EML5: variants seen among roughly 807,000 people sequenced by gnomAD.
The protein encoded by EML5 is echinoderm microtubule-associated protein-like 5.
Under a neutral mutation model 250.0 loss-of-function variants are expected in EML5, and 120 were observed. The observed-to-expected ratio is 0.48, with a 90% CI of 0.41 to 0.56. The LOEUF (loss-of-function observed/expected upper bound fraction) is 0.56, where lower values mean the gene tolerates loss of function less well. Ranked by LOEUF, EML5 falls within the 20% of genes least tolerant of loss-of-function variation. EML5 has a pLI of 0.00. For missense variants in EML5, 2,006 were observed against 2,437.6 expected (o/e 0.82, Z 3.73); for synonymous variants, 771 against 806.5 (o/e 0.96, Z 0.75).
Position 88,650,915 on chromosome 14 carries a change from T to C in EML5, c.4005-989A>G, listed in dbSNP as rs188104159. 2.2e-4 allele frequency among the ~76,000 whole-genome samples: 34 copies of C among 152,288 alleles called. No individual in the cohort carries two copies. The East Asian group carries it at 6.6e-3, about 29-fold the overall frequency. The stretch of plus-strand genomic sequence containing the variant: ...CTTCAGCCTCCCAAAGCACTGAGAT[T>C]GCAGGCATGAGGCACAGCACCTGGC... On this transcript the variant is annotated intron_variant, in intron 27 of 43. Transcript: ENST00000554922.
At chr14:88,624,885 G>C (rs2089687667) in intron 36 of EML5, 85 bp downstream of exon 36, 1 of 1,486,692 alleles carries the variant, frequency 6.7e-7, no homozygotes, top group Non-Finnish European at 9.1e-7. Context: ...ACTCTGTGTA[G>C]CCTAGAAACA....
At chr14:88,705,634 T>G in intron 11 of EML5, 46 bp from the exon 12 acceptor site, 1 of 1,378,438 alleles carries the variant, frequency 7.3e-7, no homozygotes, top group Non-Finnish European at 1.0e-6. Context: ...AGAAGATTCA[T>G]TTTCAAAACA....
intron 8 of EML5, among the ~76,000 whole-genome samples, chr14:88,723,617 G>A (rs1277350913): frequency 1.3e-5 from 2 of 152,240 alleles, no homozygotes; most frequent in African/African-American, 2.4e-5. Flanking sequence ...CCCTAAAGTG[G>A]TTAAGTATGT....
At chr14:88,697,628 T>C (rs1448540710) in intron 14 of EML5, among the ~76,000 whole-genome samples, 2 of 152,232 alleles carry the variant, frequency 1.3e-5, no homozygotes, top group African/African-American at 4.8e-5. Context: ...AAGTAATCAC[T>C]TTCTTTAACC....
chr14:88,662,456 T>C (rs182457196), intron 24 of EML5, among the ~76,000 whole-genome samples: 5 of 150,042 alleles, frequency 3.3e-5, no homozygotes, highest in Admixed American at 2.7e-4. Context: ...CAATCTTAGA[T>C]GGCATGTCTT....
intron 28 of EML5, among the ~76,000 whole-genome samples, chr14:88,649,521 T>C (rs1274125224): frequency 6.6e-6 from 1 of 152,240 alleles, no homozygotes; most frequent in Non-Finnish European, 1.5e-5. Context: ...GTTACCCTCT[T>C]TTCATCTTTT....
At chr14:88,636,351 C>G (rs933232193) in intron 32 of EML5, among the ~76,000 whole-genome samples, 3 of 152,086 alleles carry the variant, frequency 2.0e-5, no homozygotes, top group Non-Finnish European at 4.4e-5. Flanking sequence ...TGGAGGGTGC[C>G]AAAGGAGACC....
chr14:88,736,330 T>C (rs748914147), intron 7 of EML5, 34 bp downstream of exon 7: 24 of 1,609,214 alleles, frequency 1.5e-5, no homozygotes, highest in Non-Finnish European at 1.5e-5. Context: ...AAGGATACAT[T>C]CCAGCCTATG....
At chr14:88,707,769 C>G (rs2093343075) in intron 10 of EML5, among the ~76,000 whole-genome samples, 1 of 152,104 alleles carries the variant, frequency 6.6e-6, no homozygotes, top group South Asian at 2.1e-4. Context: ...ATATAAGTCA[C>G]TAATTTAACT....
At chr14:88,716,981 C>A (rs1371684722) in intron 8 of EML5, among the ~76,000 whole-genome samples, 1 of 152,096 alleles carries the variant, frequency 6.6e-6, no homozygotes, top group Non-Finnish European at 1.5e-5. Context: ...ACTATGGTTT[C>A]TTTTAAGAAG....
At chr14:88,742,233 T>G (rs2093935109) in intron 4 of EML5, among the ~76,000 whole-genome samples, 1 of 152,072 alleles carries the variant, frequency 6.6e-6, no homozygotes, top group African/African-American at 2.4e-5. Flanking sequence ...CCAATAGAAA[T>G]TTCAGTGATG....
rs758669984 is a variant in EML5 at position 88,705,036 on chromosome 14, G to A, written c.1933-58C>T. 32 of 1,125,758 alleles carry A rather than the reference G, an allele frequency of 2.8e-5. No homozygotes were observed. The Admixed American group carries it at 4.0e-4, about 14-fold the overall frequency. The allele number at this position is 1,125,758 out of a possible 1,614,324, so 69.7% of individuals were successfully genotyped here. ...AGAATATATACTAATAAAGGTGTTC[G>A]TATACTCCCAATATAACTTTCAGAC... On this transcript the variant is annotated intron_variant, in intron 12 of 43. Transcript: ENST00000554922.
At chr14:88,708,732 T>C (rs1460822990) in intron 10 of EML5, among the ~76,000 whole-genome samples, 1 of 152,146 alleles carries the variant, frequency 6.6e-6, no homozygotes, top group Non-Finnish European at 1.5e-5. Context: ...GTCTGAGCAT[T>C]CCACCAAACC....
At chr14:88,732,657 G>A (rs2140158687) in intron 7 of EML5, among the ~76,000 whole-genome samples, 1 of 152,254 alleles carries the variant, frequency 6.6e-6, no homozygotes, top group Admixed American at 6.5e-5. Context: ...TGGGCAGTAT[G>A]GCCATTTTCA....
At chr14:88,746,081 G>T in intron 3 of EML5, 104 bp downstream of exon 3, 1 of 837,310 alleles carries the variant, frequency 1.2e-6, no homozygotes, top group Non-Finnish European at 1.9e-6. Context: ...AATTACATAT[G>T]ACCTATCTGG....
intron 1 of EML5, among the ~76,000 whole-genome samples, chr14:88,756,853 C>T (rs1371309947): frequency 5.9e-5 from 9 of 152,162 alleles, no homozygotes; most frequent in Admixed American, 5.9e-4. Flanking sequence ...GGAAAGACAT[C>T]TCATTTCTGG....
chr14:88,649,926 C>A lies in EML5; in HGVS notation c.4005G>T (p.Arg1335Ser), dbSNP rs1441837552. ...LQQKEPSIDERQGVVRGSRPP... is the reference protein window; with the variant it reads ...LQQKEPSIDESQGVVRGSRPP... ...AAAACACTTACCTTACTACTCCCTG[C>A]CTTCAAAAGGAGCAAGGGGGAAAAA... The change falls in exon 28 of 44, where the codon AGG becomes AGT. Residue 1335 changes from arginine to serine, a missense_variant and splice_region_variant. Coordinates refer to ENST00000554922, the MANE Select transcript of EML5 (RefSeq NM_183387.3). 5 of 1,482,772 alleles carry A rather than the reference C, an allele frequency of 3.4e-6. No individual in the cohort carries two copies. The highest frequency in any genetic ancestry group is 4.5e-6 in the Non-Finnish European group (5 of 1,116,248). 91.9% of individuals were successfully genotyped at this position (1,482,772 alleles called of 1,614,324 possible). A position where few individuals can be genotyped will look rare whatever the true frequency, so the allele number is the denominator to read the frequency against.
At chr14:88,633,873 A>C (rs1024364459) in intron 33 of EML5, among the ~76,000 whole-genome samples, 1 of 152,142 alleles carries the variant, frequency 6.6e-6, no homozygotes, top group African/African-American at 2.4e-5. Flanking sequence ...GGCCTTCCAA[A>C]GCACTGGGAT....
In EML5 at chr14:88,792,948, G is replaced by A. The variant is rs1254676017; in HGVS notation, c.-445C>T. Among the ~76,000 whole-genome samples, 1 of 151,628 alleles carries A rather than the reference G, an allele frequency of 6.6e-6. No homozygotes were observed. The highest frequency in any genetic ancestry group is 1.5e-5 in the Non-Finnish European group (1 of 67,834). ...CGCGCCGCGCACCCCGAAACCGAGC[G>A]AGCCGAGCCGAGCCGAGCCGAGCGG... On this transcript the variant is annotated 5_prime_UTR_variant, in exon 1 of 44. Transcript: ENST00000554922. The surrounding 1 kb of genome is among the most constrained non-coding windows in gnomAD (Gnocchi z 6.9).
Sources: gnomAD v4.1 joint callset for allele counts (sites outside exome capture counted in the v4.1 genomes callset) on GRCh38, gnomAD v4.1.1 for gene constraint, Gnocchi (gnomAD v3.1) non-coding constraint, MANE v1.5 for transcripts, NCBI Gene and HGNC (gene_info 2026-07-23, HGNC 2026-07-21) for gene names.